SYNPO: variants seen among roughly 807,000 people sequenced by gnomAD.
SYNPO encodes synaptopodin.
A neutral mutation model predicts 49.5 loss-of-function variants in SYNPO; 19 were observed. The observed-to-expected ratio is 0.38, with a 90% CI of 0.27 to 0.56. SYNPO has a LOEUF of 0.56. Among genes scored for constraint, SYNPO ranks in the 20% least tolerant of loss-of-function variants. The pLI is 0.68. For missense variants in SYNPO, 1,131 were observed against 1,248.3 expected (o/e 0.91, Z 1.42); for synonymous variants, 536 against 548.0 (o/e 0.98, Z 0.31).
At chr5:150,589,467 C>T in the SYNPO span, among the ~76,000 whole-genome samples, 1 of 152,210 alleles carries the variant, frequency 6.6e-6, no homozygotes, top group Non-Finnish European at 1.5e-5. Context: ...CCCATCCCTA[C>T]GAATGGACCT....
rs370385211 is a variant in SYNPO, at chr5:150,632,513, A to G, written c.400+13746A>G. Among the ~76,000 whole-genome samples the G allele has an allele frequency of 2.6e-5, 4 of 152,334 alleles. No homozygotes were observed. The South Asian group carries it at 8.3e-4, about 32-fold the overall frequency. On this transcript the variant is annotated intron_variant, in intron 2 of 2. Coordinates refer to the SYNPO transcript ENST00000394243. ...GTGTGGAGGGGTAAGTTAGAGGCAC[A>G]GGCTTTATTAGGATGGGCGTCAGGA...
chr5:150,616,351 A>G (rs1756983347), intron 1 of SYNPO, among the ~76,000 whole-genome samples: 3 of 152,214 alleles, frequency 2.0e-5, no homozygotes, highest in African/African-American at 4.8e-5. Context: ...CCCATTTTGC[A>G]GTAGGATAAG....
chr5:150,611,612 A>G (rs946309279), intron 1 of SYNPO, among the ~76,000 whole-genome samples: 1 of 152,166 alleles, frequency 6.6e-6, no homozygotes, highest in Non-Finnish European at 1.5e-5. Flanking sequence ...GTGGGCAGAA[A>G]TGGAGGGAGG....
intron 1 of SYNPO, among the ~76,000 whole-genome samples, chr5:150,606,214 G>T (rs1324919924): frequency 1.3e-5 from 2 of 152,156 alleles, no homozygotes; most frequent in African/African-American, 4.8e-5. Flanking sequence ...CACAGCAGAA[G>T]AAGCTCCAAG....
Position 150,649,676 on chromosome 5 carries a change from C to T in SYNPO, c.1401C>T (p.Pro467=). 2 of 1,611,180 alleles carry T rather than the reference C, an allele frequency of 1.2e-6. No homozygotes were observed. The highest frequency in any genetic ancestry group is 8.5e-7 in the Non-Finnish European group (1 of 1,180,000). Reference sequence around the variant, plus strand: ...CCCGCATCCAGGCCAAGCCGAAGCCCAAACCCAACCAGAACCTCTCCGAGG... The same window carrying T: ...CCCGCATCCAGGCCAAGCCGAAGCCTAAACCCAACCAGAACCTCTCCGAGG... ...KSPRIQAKPK[P]KPNQNLSEAS... The change falls in exon 2 of 3, where the codon CCC becomes CCT. Residue 467 remains proline, a synonymous_variant. Coordinates refer to ENST00000307662, the MANE Select transcript of SYNPO (RefSeq NM_007286.6).
At chr5:150,629,693 G>A (rs1032235953) in intron 2 of SYNPO, among the ~76,000 whole-genome samples, 1 of 152,126 alleles carries the variant, frequency 6.6e-6, no homozygotes, top group African/African-American at 2.4e-5. Context: ...AAAGATAAAA[G>A]CCACAGTTCT....
chr5:150,602,283 T>C (rs1756564593), intron 1 of SYNPO, among the ~76,000 whole-genome samples: 1 of 152,212 alleles, frequency 6.6e-6, no homozygotes, highest in Non-Finnish European at 1.5e-5. Flanking sequence ...TGGACACGTC[T>C]CCTCCTGTCT....
rs749937622 is a variant in SYNPO at position 150,649,921 on chromosome 5, T to C, written c.1646T>C (p.Leu549Pro). 14 of 1,612,144 alleles carry C rather than the reference T, an allele frequency of 8.7e-6. No homozygotes were observed. The highest frequency in any genetic ancestry group is 3.3e-5 in the Admixed American group (2 of 60,034). ...CCTGCCTCCCTCTACCATGGCTACC[T>C]GCCTGAGAACGGGGTCCTGCGCCCA... is the stretch of plus-strand genomic sequence containing the variant. ...TPPASLYHGYLPENGVLRPEP... is the reference protein window; with the variant it reads ...TPPASLYHGYPPENGVLRPEP... The change falls in exon 2 of 3, where the codon CTG becomes CCG. Residue 549 changes from leucine to proline, a missense_variant. Leu to Pro is a moderately conservative substitution (Grantham distance 98). This residue lies in a region of SYNPO where 602 missense variants were observed against 720.7 expected (regional missense o/e 0.84). Coordinates refer to ENST00000307662, the MANE Select transcript of SYNPO (RefSeq NM_007286.6).
upstream of SYNPO, among the ~76,000 whole-genome samples, chr5:150,636,501 G>A (rs1757719377): frequency 6.6e-6 from 1 of 152,188 alleles, no homozygotes; most frequent in Non-Finnish European, 1.5e-5. Flanking sequence ...AATTGTGACA[G>A]GACAGACCCT....
chr5:150,609,069 G>GA (rs1581451788), intron 1 of SYNPO, among the ~76,000 whole-genome samples: 1 of 151,732 alleles, frequency 6.6e-6, no homozygotes, highest in African/African-American at 2.4e-5. Context: ...GCTCTCTGGA[G>GA]AAAAAAAAGC....
chr5:150,648,545 T>C lies in SYNPO; in HGVS notation c.270T>C (p.Asn90=). 6.2e-7 allele frequency: 1 copy of C among 1,614,092 alleles called. No individual in the cohort carries two copies. The highest frequency in any genetic ancestry group is 8.5e-7 in the Non-Finnish European group (1 of 1,180,018). Residue 90 remains asparagine (N), a synonymous_variant, in exon 2 of 3, where the codon AAT becomes AAC. Transcript: ENST00000307662. This position sits in a 1 kb window ranked among gnomAD's most constrained non-coding sequence, Gnocchi z 5.0. The stretch of plus-strand genomic sequence containing the variant: ...CACCAACTTCTAACAGCAGCCACAA[T>C]CCGCCAGCCACCGATGTCAATCAGA... The part of the protein sequence containing the change: ...LTTPTSNSSH[N]PPATDVNQNP...
exon 2 of SYNPO, chr5:150,618,546 G>A (rs1273004432): frequency 2.6e-6 from 4 of 1,550,534 alleles, no homozygotes; most frequent in Non-Finnish European, 3.5e-6. Context: ...GAGGATGAGG[G>A]GGTCAGCAGG....
Position 150,618,484 on chromosome 5 carries a change from G to T in SYNPO, c.117G>T (p.Glu39Asp), listed in dbSNP as rs371137506. 9.7e-5 allele frequency: 151 copies of T among 1,551,486 alleles called. No homozygotes were observed. Among genetic ancestry groups the T allele is most frequent in the Non-Finnish European group, 1.2e-4 (134 of 1,146,974 alleles). ...GGTGTCTGGCTCTGGAAGCCGAGGA[G>T]AGCAGCGGTGAGGAGGGCCTGCAGG... is the stretch of plus-strand genomic sequence containing the variant. Residue 39 changes from glutamate (E) to aspartate (D), a missense_variant, in exon 2 of 3, where the codon GAG (glutamate) becomes GAT (aspartate). Glu to Asp is a conservative substitution (Grantham distance 45). Transcript: ENST00000394243.
At chr5:150,604,240 G>A (rs982621144) in intron 1 of SYNPO, among the ~76,000 whole-genome samples, 6 of 152,228 alleles carry the variant, frequency 3.9e-5, no homozygotes, top group Admixed American at 1.3e-4. Context: ...ACCAGGGAGC[G>A]GGAGGTGGCA....
intron 1 of SYNPO, among the ~76,000 whole-genome samples, chr5:150,603,235 G>C (rs1282542499): frequency 6.6e-6 from 1 of 152,250 alleles, no homozygotes; most frequent in East Asian, 1.9e-4. Flanking sequence ...ACCAGGATGG[G>C]TGGGTAGGCG....
chr5:150,644,170 GAAAA>G (rs11306904), intron 1 of SYNPO, among the ~76,000 whole-genome samples: 31 of 116,270 alleles, frequency 2.7e-4, no homozygotes, highest in Non-Finnish European at 5.4e-4. Context: ...CCCTGTCTCA[GAAAA>G]AAAAAAAAAA....
chr5:150,643,792 C>T (rs1757993370), intron 1 of SYNPO, among the ~76,000 whole-genome samples: 1 of 152,128 alleles, frequency 6.6e-6, no homozygotes, highest in Non-Finnish European at 1.5e-5. Flanking sequence ...CTTGGCCCCC[C>T]AAAATGCTAG....
the SYNPO span, among the ~76,000 whole-genome samples, chr5:150,592,125 A>G: frequency 1.3e-5 from 2 of 152,282 alleles, no homozygotes; most frequent in Admixed American, 6.5e-5. Flanking sequence ...AGATTGCTCC[A>G]TTGCACTCCA....
At chr5:150,642,151 A>T (rs1163461074) in intron 1 of SYNPO, among the ~76,000 whole-genome samples, 1 of 152,246 alleles carries the variant, frequency 6.6e-6, no homozygotes, top group Non-Finnish European at 1.5e-5. Context: ...CACAGCACTG[A>T]GCCTGGGCTG....
Sources: gnomAD v4.1 joint callset for allele counts (sites outside exome capture counted in the v4.1 genomes callset) on GRCh38, gnomAD v4.1.1 for gene constraint, gnomAD v4.1.1 regional missense constraint, Gnocchi (gnomAD v3.1) non-coding constraint, MANE v1.5 for transcripts, NCBI Gene and HGNC (gene_info 2026-07-23, HGNC 2026-07-21) for gene names.